Variants in SLC12A3 observed in about 807,000 individuals in gnomAD.
SLC12A3 encodes solute carrier family 12 member 3.
SLC12A3 carries 104 observed loss-of-function variants against 121.0 expected under a neutral mutation model. That is an observed-to-expected ratio of 0.86 (90% CI 0.73 to 1.01). The LOEUF (loss-of-function observed/expected upper bound fraction) is 1.01, where lower values mean the gene tolerates loss of function less well. SLC12A3 is among the 50% of genes least tolerant of loss of function. The pLI, the probability that SLC12A3 is intolerant of heterozygous loss-of-function variation, is 0.00. For missense variants in SLC12A3, 1,328 were observed against 1,356.3 expected (o/e 0.98, Z 0.33); for synonymous variants, 536 against 533.4 (o/e 1.00, Z -0.07).
intron 8 of SLC12A3, among the ~76,000 whole-genome samples, chr16:56,876,590 T>A (rs2055166912): frequency 6.6e-6 from 1 of 152,204 alleles, no homozygotes; most frequent in Non-Finnish European, 1.5e-5. Flanking sequence ...GGCCAAGGCT[T>A]GGAGGTCCCA....
chr16:56,880,180 C>G lies in SLC12A3; in HGVS notation c.1494C>G (p.Gly498=). 6.2e-7 allele frequency: 1 copy of G among 1,604,110 alleles called. No homozygotes were observed. The highest frequency in any genetic ancestry group is 8.5e-7 in the Non-Finnish European group (1 of 1,176,318). ...LYPLIGFFGK[G]YGKNKEPVRG... ...CACTGATCGGCTTCTTCGGCAAAGG[C>G]TATGGCAAGAACAAGGAGCCCGTGC... Residue 498 remains glycine (G), a synonymous_variant, in exon 12 of 26, where the codon GGC becomes GGG. Transcript: ENST00000563236.
At chr16:56,870,795 C>A in intron 6 of SLC12A3, 59 bp downstream of exon 6, 1 of 1,043,968 alleles carries the variant, frequency 9.6e-7, no homozygotes, top group Non-Finnish European at 1.5e-6. Flanking sequence ...GCGGGGGTTG[C>A]CAGGCCTGGG....
rs1343643483 is a variant in SLC12A3, at chr16:56,913,570, TCCA to T, written c.*167_*169del. 2.7e-6 allele frequency: 2 copies of T among 742,830 alleles called. No individual in the cohort carries two copies. The highest frequency in any genetic ancestry group is 3.4e-5 in the African/African-American group (2 of 58,578). The allele number at this position is 742,830 out of a possible 1,614,324, so 46.0% of individuals were successfully genotyped here. The stretch of plus-strand genomic sequence containing the variant: ...GGTAGATTTCCAAATCTGGCTGGAC[TCCA>T]CTTCCATGGGACACATTCCCTGGGT... On this transcript the variant is annotated 3_prime_UTR_variant, in exon 26 of 26. Coordinates refer to ENST00000563236, the MANE Select transcript of SLC12A3 (RefSeq NM_001126108.2).
At chr16:56,899,451 T>A (rs923241405) in intron 22 of SLC12A3, 79 bp from the exon 23 acceptor site, 1 of 1,084,548 alleles carries the variant, frequency 9.2e-7, no homozygotes, top group Non-Finnish European at 1.4e-6. Context: ...ATTGCACCAC[T>A]GCACTCCAGC....
rs1301933182 is a variant in SLC12A3 at position 56,887,910 on chromosome 16, C to T, written c.2179-15C>T. On this transcript the variant is annotated splice_polypyrimidine_tract_variant and intron_variant, in intron 17 of 25. Coordinates refer to ENST00000563236, the MANE Select transcript of SLC12A3 (RefSeq NM_001126108.2). ...CCTCTGATGGGTTCCCCATCTCACC[C>T]CTATCCCCTGGCAGGCCGCAGGTCT... 2 of 1,605,858 alleles carry T rather than the reference C, an allele frequency of 1.2e-6. No individual in the cohort carries two copies. Among genetic ancestry groups the T allele is most frequent in the African/African-American group, 1.3e-5 (1 of 74,328 alleles).
At chr16:56,895,997 C>A (rs558430031) in intron 22 of SLC12A3, among the ~76,000 whole-genome samples, 1 of 152,026 alleles carries the variant, frequency 6.6e-6, no homozygotes. Flanking sequence ...GTAATGAAAG[C>A]GATGAGGAGC....
chr16:56,901,345 C>CTTTTTTTTTTTTTTT lies in SLC12A3; in HGVS notation c.2721-1027_2721-1026insTTTTTTTTTTTTTTT, dbSNP rs1408480661. Among the ~76,000 whole-genome samples, 116 of 84,094 alleles carry CTTTTTTTTTTTTTTT rather than the reference C, an allele frequency of 1.4e-3. 5 individuals carry two copies. The highest frequency in any genetic ancestry group is 6.8e-3 in the African/African-American group (110 of 16,178). The allele number at this position is 84,094 out of a possible 152,430, so 55.2% of individuals were successfully genotyped here. ...GCCAATCAGCCCTACATCTCTCTCT[C>CTTTTTTTTTTTTTTT]TCTTTTTTTTTTTTGAGACAGTCTC... On this transcript the variant is annotated intron_variant, in intron 23 of 25. Coordinates refer to ENST00000563236, the MANE Select transcript of SLC12A3 (RefSeq NM_001126108.2).
intron 2 of SLC12A3, 53 bp downstream of exon 2, chr16:56,867,269 G>C: frequency 6.5e-7 from 1 of 1,549,590 alleles, no homozygotes; most frequent in Non-Finnish European, 8.7e-7. Flanking sequence ...TGGGGTGGCA[G>C]AGCTCCATCC....
rs1964374428 is a variant in SLC12A3 at position 56,867,123 on chromosome 16, G to A, written c.336G>A (p.Glu112=). The A allele has an allele frequency of 6.2e-7, 1 of 1,613,960 alleles. No homozygotes were observed. Among genetic ancestry groups the A allele is most frequent in the African/African-American group, 1.3e-5 (1 of 74,942 alleles). Residue 112 remains glutamate, a synonymous_variant, in exon 2 of 26, where the codon GAG becomes GAA. Transcript: ENST00000563236. Reference sequence around the variant, plus strand: ...CCTTTGACAGCCGGCCCAGCCACGAGATGACTGATGGGCTGGTGGAGGGCG... The same window carrying A: ...CCTTTGACAGCCGGCCCAGCCACGAAATGACTGATGGGCTGGTGGAGGGCG... ...ALAFDSRPSH[E]MTDGLVEGEA... is the part of the protein sequence containing the mutation.
chr16:56,912,347 G>C (rs1596963408), intron 25 of SLC12A3, among the ~76,000 whole-genome samples: 1 of 152,240 alleles, frequency 6.6e-6, no homozygotes, highest in Non-Finnish European at 1.5e-5. Flanking sequence ...GGAAGACATG[G>C]CTGGACAGCA....
At chr16:56,900,519 T>TTTTATTTATTTA (rs59010768) in intron 23 of SLC12A3, among the ~76,000 whole-genome samples, 22,429 of 148,420 alleles carry the variant, frequency 0.15, 1,907 homozygotes, top group Non-Finnish European at 0.19. Flanking sequence ...AGCATCTGAT[T>TTTTATTTATTTA]TTTATTTATT....
chr16:56,867,204 C>A lies in SLC12A3; in HGVS notation c.417C>A (p.Val139=). 1.2e-6 allele frequency: 2 copies of A among 1,610,682 alleles called. No homozygotes were observed. The highest frequency in any genetic ancestry group is 1.1e-5 in the South Asian group (1 of 90,538). Residue 139 remains valine, a synonymous_variant, in exon 2 of 26, where the codon GTC becomes GTA. Transcript: ENST00000563236. The part of the protein sequence containing the change: ...NPEEPVRFGW[V]KGVMIRCMLN... Reference sequence around the variant, plus strand: ...AGGAGCCAGTGCGCTTCGGCTGGGTCAAGGGGGTGATGGTGAGTGGGGTGT... The same window carrying A: ...AGGAGCCAGTGCGCTTCGGCTGGGTAAAGGGGGTGATGGTGAGTGGGGTGT...
chr16:56,877,344 C>T (rs543388841), intron 8 of SLC12A3, among the ~76,000 whole-genome samples: 18 of 151,140 alleles, frequency 1.2e-4, no homozygotes, highest in East Asian at 5.9e-4. Flanking sequence ...TGCAGTGAGC[C>T]GAGATCATGC....
chr16:56,894,877 C>CCCTA (rs1268795371), intron 22 of SLC12A3, among the ~76,000 whole-genome samples: 1 of 152,094 alleles, frequency 6.6e-6, no homozygotes, highest in Non-Finnish European at 1.5e-5. Flanking sequence ...AATGCAGATG[C>CCCTA]CCTAGGCTTT....
intron 6 of SLC12A3, among the ~76,000 whole-genome samples, chr16:56,871,476 G>T (rs1174766973): frequency 6.6e-6 from 1 of 152,204 alleles, no homozygotes; most frequent in East Asian, 1.9e-4. Context: ...GGCCCTACAG[G>T]CAGGGCAGGA....
Position 56,913,448 on chromosome 16 carries a change from G to A in SLC12A3, c.*43G>A, listed in dbSNP as rs756984931. The A allele has an allele frequency of 9.3e-6, 15 of 1,605,072 alleles. No homozygotes were observed. The highest frequency in any genetic ancestry group is 1.2e-5 in the Non-Finnish European group (14 of 1,171,830). On this transcript the variant is annotated 3_prime_UTR_variant, in exon 26 of 26. Transcript: ENST00000563236. ...CCTGTCCACAGCTCTGAGTGTGTGG[G>A]ATAAGTTGGAACTTGATTGCCTCTA...
rs181865675 is a variant in SLC12A3, at chr16:56,872,768, C to G, written c.1077C>G (p.Asn359Lys). ...CCACAGGCATCCTGGCAGGGGCCAACATATCTGGTGACCTCAAGGTGAGCA... is the reference window on the plus strand; with the variant it reads ...CCACAGGCATCCTGGCAGGGGCCAAGATATCTGGTGACCTCAAGGTGAGCA... ...PSATGILAGA[N>K]ISGDLKDPAI... The change falls in exon 8 of 26, where the codon AAC (asparagine) becomes AAG (lysine). Residue 359 changes from asparagine (N) to lysine (K), a missense_variant. Coordinates refer to ENST00000563236, the MANE Select transcript of SLC12A3 (RefSeq NM_001126108.2). 3 of 1,614,252 alleles carry G rather than the reference C, an allele frequency of 1.9e-6. No homozygotes were observed. In the East Asian group the frequency reaches 6.7e-5, roughly 36 times the overall value.
chr16:56,893,995 ATTTATTTAT>A (rs1460398117), intron 21 of SLC12A3, among the ~76,000 whole-genome samples: 59 of 137,972 alleles, frequency 4.3e-4, no homozygotes, highest in Middle Eastern at 4.2e-3. Context: ...TTATTTATTT[ATTTATTTAT>A]TTATTTATTT....
At chr16:56,895,992 G>T (rs1383424752) in intron 22 of SLC12A3, among the ~76,000 whole-genome samples, 2 of 152,164 alleles carry the variant, frequency 1.3e-5, no homozygotes, top group African/African-American at 4.8e-5. Context: ...AGATGGTAAT[G>T]AAAGCGATGA....
Sources: allele counts gnomAD v4.1 joint callset (sites outside exome capture counted in the v4.1 genomes callset), GRCh38; gene constraint gnomAD v4.1.1; transcripts MANE v1.5; gene names NCBI Gene and HGNC (gene_info 2026-07-23, HGNC 2026-07-21).